Variants in PCDHGA5 observed in about 807,000 individuals in gnomAD.
PCDHGA5 encodes the protein protocadherin gamma subfamily A, 5, also known as protocadherin gamma-A5.
Under a neutral mutation model 56.7 loss-of-function variants are expected in PCDHGA5, and 36 were observed. The ratio of observed to expected loss-of-function variants is 0.64; its 90% confidence interval spans 0.49 to 0.84. The LOEUF is 0.84. Ranked by LOEUF, PCDHGA5 falls within the 40% of genes least tolerant of loss-of-function variation. PCDHGA5 has a pLI of 0.00. For synonymous variants in PCDHGA5, 563 were observed against 520.2 expected (o/e 1.08, Z -1.12); for missense variants, 1,305 against 1,201.5 (o/e 1.09, Z -1.27).
chr5:141,425,695 T>C (rs1329762653), intron 1 of PCDHGA5, among the ~76,000 whole-genome samples: 1 of 152,232 alleles, frequency 6.6e-6, no homozygotes, highest in Non-Finnish European at 1.5e-5. Context: ...TATCATTTCA[T>C]AGTGGTCAAA....
chr5:141,478,870 GT>G, intron 1 of PCDHGA5: 1 of 1,273,360 alleles, frequency 7.9e-7, no homozygotes, highest in Non-Finnish European at 1.0e-6. Context: ...AGCGATCAGA[GT>G]TTAGCTTGGT....
intron 1 of PCDHGA5, chr5:141,420,437 T>G (rs2096496377): frequency 4.5e-6 from 5 of 1,109,618 alleles, no homozygotes; most frequent in Admixed American, 3.7e-5. Context: ...TTAAATTAAA[T>G]GCCTCAGTCT....
At chr5:141,376,066 C>A in intron 1 of PCDHGA5, 1 of 1,613,396 alleles carries the variant, frequency 6.2e-7, no homozygotes, top group Non-Finnish European at 8.5e-7. Flanking sequence ...TCACGCTCAC[C>A]GTGGCCGTGG....
intron 2 of PCDHGA5, among the ~76,000 whole-genome samples, chr5:141,497,076 C>T (rs1052240279): frequency 5.9e-5 from 9 of 151,826 alleles, no homozygotes; most frequent in Non-Finnish European, 8.8e-5. Context: ...GTAATCCCAG[C>T]GACTTAGGAG....
At chr5:141,373,976 G>A in intron 1 of PCDHGA5, 3 of 1,066,504 alleles carry the variant, frequency 2.8e-6, no homozygotes, top group South Asian at 2.6e-5. Context: ...CTTCGCATCC[G>A]GTCTCTGCTT....
chr5:141,381,823 CTTCT>C (rs1777510060), intron 1 of PCDHGA5, among the ~76,000 whole-genome samples: 4 of 101,610 alleles, frequency 3.9e-5, no homozygotes, highest in African/African-American at 4.3e-5. Flanking sequence ...TTTCTTTCTT[CTTCT>C]TTTTTTTTTT....
chr5:141,441,867 G>T, intron 1 of PCDHGA5: 1 of 345,800 alleles, frequency 2.9e-6, no homozygotes, highest in Non-Finnish European at 5.6e-6. Flanking sequence ...ACGCCGCGGA[G>T]CCTGGCTACC....
At chr5:141,372,140 A>C in intron 1 of PCDHGA5, 1 of 1,613,766 alleles carries the variant, frequency 6.2e-7, no homozygotes, top group Non-Finnish European at 8.5e-7. Context: ...CGCGCTCTGC[A>C]GAGCCTGGCT....
At chr5:141,494,250 G>C (rs908660385) in intron 1 of PCDHGA5, among the ~76,000 whole-genome samples, 3 of 152,182 alleles carry the variant, frequency 2.0e-5, no homozygotes, top group African/African-American at 7.2e-5. Flanking sequence ...TTTAGCTGTG[G>C]GAAGAGATTC....
chr5:141,414,066 A>G, intron 1 of PCDHGA5: 2 of 1,608,358 alleles, frequency 1.2e-6, no homozygotes, highest in African/African-American at 1.3e-5. Context: ...TGAAGTTCCA[A>G]CTAAACAAAT....
intron 1 of PCDHGA5, among the ~76,000 whole-genome samples, chr5:141,484,723 G>T (rs930331672): frequency 1.3e-5 from 2 of 151,930 alleles, no homozygotes; most frequent in Non-Finnish European, 2.9e-5. Flanking sequence ...AAGGGGCGGG[G>T]TCAGTCGGTG....
intron 1 of PCDHGA5, chr5:141,376,291 C>A (rs780024608): frequency 6.2e-7 from 1 of 1,614,158 alleles, no homozygotes; most frequent in South Asian, 1.1e-5. Flanking sequence ...CGAGCATGCC[C>A]GGCTCGCACT....
chr5:141,375,903 G>A lies in PCDHGA5; in HGVS notation c.2421+9152G>A, dbSNP rs535123838. ...GGCCAGAACGCCTGGCTGTCCTACC[G>A]CCTGCTCAAGGCCAGCGAGCCAGGA... On this transcript the variant is annotated intron_variant, in intron 1 of 3. Transcript: ENST00000518069. 54 of 1,613,696 alleles carry A rather than the reference G, an allele frequency of 3.3e-5. No individual in the cohort carries two copies. In the South Asian group the frequency reaches 5.6e-4, roughly 17 times the overall value.
chr5:141,423,004 G>T lies in PCDHGA5; in HGVS notation c.2421+56253G>T, dbSNP rs1206727312. 2 of 1,614,116 alleles carry T rather than the reference G, an allele frequency of 1.2e-6. No individual in the cohort carries two copies. Among genetic ancestry groups the T allele is most frequent in the African/African-American group, 1.3e-5 (1 of 74,958 alleles). ...ACCTGGCTACCTGGTGACCAAGGTG[G>T]TTGCGGTGGACAAAGATTCAGGCCA... On this transcript the variant is annotated intron_variant, in intron 1 of 3. Transcript: ENST00000518069.
rs1213653891 is a variant in PCDHGA5 at position 141,419,687 on chromosome 5, C to T, written c.2421+52936C>T. 1.9e-6 allele frequency: 3 copies of T among 1,612,692 alleles called. No individual in the cohort carries two copies. In the African/African-American group the frequency reaches 4.0e-5, roughly 22 times the overall value. On this transcript the variant is annotated intron_variant, in intron 1 of 3. Transcript: ENST00000518069. ...TGCCTGGCTGTCCTACCACGTGGTG[C>T]AGGCCAGTGAGCCCGGGCTCTTCAG...
intron 3 of PCDHGA5, among the ~76,000 whole-genome samples, chr5:141,506,402 G>A (rs1032556978): frequency 2.8e-5 from 4 of 143,790 alleles, no homozygotes; most frequent in East Asian, 2.0e-4. Flanking sequence ...GCAGAAAATC[G>A]CACCACTGCA....
chr5:141,422,453 G>A, intron 1 of PCDHGA5: 3 of 1,611,704 alleles, frequency 1.9e-6, no homozygotes, highest in Non-Finnish European at 2.5e-6. Context: ...ATAACAAGCA[G>A]AGTGCTGGAC....
chr5:141,481,880 C>CTCCA (rs1483509373), intron 1 of PCDHGA5, among the ~76,000 whole-genome samples: 1 of 145,300 alleles, frequency 6.9e-6, no homozygotes, highest in Non-Finnish European at 1.5e-5. Context: ...CGCCACTGCA[C>CTCCA]TCCAGCCTGG....
rs899154780 is a variant in PCDHGA5, at chr5:141,402,932, A to C, written c.2421+36181A>C. ...AGCGCGCACAGAGATCCTTTTGAGAAAATTCCAAAGCGAGGCAGCAATGGC... is the reference window on the plus strand; with the variant it reads ...AGCGCGCACAGAGATCCTTTTGAGACAATTCCAAAGCGAGGCAGCAATGGC... On this transcript the variant is annotated intron_variant, in intron 1 of 3. Coordinates refer to ENST00000518069, the MANE Select transcript of PCDHGA5 (RefSeq NM_018918.3). 3 of 1,584,974 alleles carry C rather than the reference A, an allele frequency of 1.9e-6. No individual in the cohort carries two copies. In the Admixed American group the frequency reaches 5.4e-5, roughly 29 times the overall value.
Sources: allele counts gnomAD v4.1 joint callset (sites outside exome capture counted in the v4.1 genomes callset), GRCh38; gene constraint gnomAD v4.1.1; transcripts MANE v1.5; gene names NCBI Gene and HGNC (gene_info 2026-07-23, HGNC 2026-07-21).